The following CPAMD8 variants were observed in gnomAD, a reference collection of about 807,000 sequenced individuals.
The protein encoded by CPAMD8 is C3 and PZP-like alpha-2-macroglobulin domain-containing protein 8.
A neutral mutation model predicts 224.7 loss-of-function variants in CPAMD8; 146 were observed. That is an observed-to-expected ratio of 0.65 (90% CI 0.57 to 0.75). The LOEUF (loss-of-function observed/expected upper bound fraction) is 0.75. Among genes scored for constraint, CPAMD8 ranks in the 30% least tolerant of loss-of-function variants. The probability of loss-of-function intolerance (pLI) is 0.00; values close to 1 mark genes in which losing one functional copy is unlikely to be tolerated. For missense variants in CPAMD8, 2,301 were observed against 2,537.5 expected (o/e 0.91, Z 2.00); for synonymous variants, 966 against 1,044.6 (o/e 0.92, Z 1.45).
intron 21 of CPAMD8, 100 bp from the exon 22 acceptor site, chr19:16,945,779 G>T: frequency 1.1e-6 from 1 of 901,390 alleles, no homozygotes; most frequent in Non-Finnish European, 1.7e-6. Flanking sequence ...ATGCATGCAT[G>T]TGTGTGTGTG....
intron 30 of CPAMD8, among the ~76,000 whole-genome samples, chr19:16,906,364 TTCTTTCTTTC>T (rs2052490444): frequency 1.4e-5 from 1 of 70,932 alleles, no homozygotes; most frequent in South Asian, 5.2e-4. Flanking sequence ...CTTTCTTTCT[TTCTTTCTTTC>T]TTTCTTTCTT....
intron 38 of CPAMD8, 24 bp downstream of exon 38, chr19:16,897,864 CG>C: frequency 6.3e-7 from 1 of 1,589,910 alleles, no homozygotes; most frequent in Non-Finnish European, 8.6e-7. Context: ...CGGGCCGGGC[CG>C]GGGGTGCGGG....
At chr19:16,974,782 C>T (rs746194660) in intron 17 of CPAMD8, among the ~76,000 whole-genome samples, 10 of 152,096 alleles carry the variant, frequency 6.6e-5, no homozygotes, top group East Asian at 1.9e-4. Context: ...GCCAGGGCCA[C>T]GTAGCAAGAC....
At chr19:16,949,871 T>A (rs1050524657) in intron 20 of CPAMD8, among the ~76,000 whole-genome samples, 3 of 152,180 alleles carry the variant, frequency 2.0e-5, no homozygotes, top group Non-Finnish European at 2.9e-5. Flanking sequence ...CCGTAGACAT[T>A]GATTCTAACA....
intron 27 of CPAMD8, among the ~76,000 whole-genome samples, chr19:16,919,184 T>C (rs1045165329): frequency 2.0e-5 from 3 of 148,938 alleles, no homozygotes; most frequent in Non-Finnish European, 3.0e-5. Context: ...GCTTGGGTGA[T>C]AGGGTGAGAC....
intron 13 of CPAMD8, among the ~76,000 whole-genome samples, chr19:16,985,450 AGATG>A (rs199636699): frequency 0.012 from 1,600 of 134,994 alleles, 20 homozygotes; most frequent in African/African-American, 0.031. Flanking sequence ...GAGAGAGGGT[AGATG>A]GATGGATGGA....
At chr19:16,956,998 A>T (rs1484391981) in intron 19 of CPAMD8, among the ~76,000 whole-genome samples, 1 of 152,186 alleles carries the variant, frequency 6.6e-6, no homozygotes. Context: ...ATTTTTTAAC[A>T]ATAAAAAAAG....
rs1331788556 is a variant in CPAMD8 at position 16,952,020 on chromosome 19, C to T, written c.2457G>A (p.Glu819=). The part of the protein sequence containing the change: ...FMLPALIIRG[E]QVKIPLSVYN... ...AGACACTGAGCGGGATCTTGACCTGCTCCCCACGGATGATGAGAGCGGGGA... is the reference window on the plus strand; with the variant it reads ...AGACACTGAGCGGGATCTTGACCTGTTCCCCACGGATGATGAGAGCGGGGA... Residue 819 remains glutamate (E), a synonymous_variant, in exon 20 of 42, where the codon GAG becomes GAA. Coordinates refer to ENST00000443236, the MANE Select transcript of CPAMD8 (RefSeq NM_015692.5). The T allele has an allele frequency of 1.3e-6, 2 of 1,584,418 alleles. No homozygotes were observed. Among genetic ancestry groups the T allele is most frequent in the Middle Eastern group, 1.7e-4 (1 of 6,034 alleles).
chr19:17,004,339 C>T lies in CPAMD8; in HGVS notation c.607G>A (p.Glu203Lys), dbSNP rs1350948915. Residue 203 changes from glutamate (E) to lysine (K), a missense_variant, in exon 8 of 42, where the codon GAA (glutamate) becomes AAA (lysine). By Grantham distance (56) the Glu-to-Lys change is moderately conservative. Around this residue, in one of 4 missense-constraint regions of CPAMD8, gnomAD observed 283 missense variants for 340.6 expected, o/e 0.83. Transcript: ENST00000443236. Reference sequence around the variant, plus strand: ...TGCATTTCAACAAAAATGAACCATTCTCCCAACACAGGCTGGTCGGACAAG... The same window carrying T: ...TGCATTTCAACAAAAATGAACCATTTTCCCAACACAGGCTGGTCGGACAAG... ...FPLSDQPVLG[E>K]WFIFVEMQGH... 4.3e-6 allele frequency: 7 copies of T among 1,613,758 alleles called. No homozygotes were observed. In the Admixed American group the frequency reaches 5.0e-5, roughly 12 times the overall value.
chr19:16,948,882 G>A lies in CPAMD8; in HGVS notation c.2509-1655C>T, dbSNP rs1204219256. ...GGAGGGAAAGGAAAGGGAAGGGAAG[G>A]GAAGGGAAGGGAAGGGAAGGGAAGG... On this transcript the variant is annotated intron_variant, in intron 20 of 41. Transcript: ENST00000443236. Among the ~76,000 whole-genome samples the A allele has an allele frequency of 2.0e-4, 13 of 63,488 alleles. No homozygotes were observed. The East Asian group carries it at 2.5e-3, about 12-fold the overall frequency. 41.7% of individuals were successfully genotyped at this position (63,488 alleles called of 152,430 possible).
intron 3 of CPAMD8, 132 bp downstream of exon 3, chr19:17,020,199 C>T (rs893616652): frequency 4.1e-5 from 29 of 706,128 alleles, no homozygotes; most frequent in African/African-American, 2.7e-4. Flanking sequence ...ATCTCGAACT[C>T]CTGACCTCAG....
At chr19:16,912,259 T>C (rs2052756722) in intron 29 of CPAMD8, among the ~76,000 whole-genome samples, 1 of 152,116 alleles carries the variant, frequency 6.6e-6, no homozygotes, top group Non-Finnish European at 1.5e-5. Flanking sequence ...GCCAAAAAGG[T>C]TGGATACTGC....
intron 21 of CPAMD8, among the ~76,000 whole-genome samples, chr19:16,946,594 T>A (rs1324769555): frequency 6.9e-6 from 1 of 144,516 alleles, no homozygotes. Flanking sequence ...CGTCTACACG[T>A]GGGCGTGTGT....
At chr19:17,021,977 G>C in intron 2 of CPAMD8, 53 bp downstream of exon 2, 1 of 1,514,190 alleles carries the variant, frequency 6.6e-7, no homozygotes. Flanking sequence ...CCAGCAAGTG[G>C]CTCCACTTTG....
intron 1 of CPAMD8, among the ~76,000 whole-genome samples, chr19:17,025,605 G>A (rs977017576): frequency 1.1e-4 from 16 of 152,092 alleles, no homozygotes; most frequent in Admixed American, 6.6e-5. Flanking sequence ...AACACCAAAT[G>A]CCTCTCCCTA....
intron 11 of CPAMD8, among the ~76,000 whole-genome samples, chr19:16,994,496 G>A (rs911165641): frequency 6.8e-6 from 1 of 146,862 alleles, no homozygotes; most frequent in Non-Finnish European, 1.5e-5. Context: ...CAGCCCACAT[G>A]ATCTTCATTA....
Position 16,914,496 on chromosome 19 carries a change from A to G in CPAMD8, c.3789T>C (p.Gly1263=). ...VGRVLNKDIQ[G]GIHGTVPLTA... ...TCAGCGGGACAGTGCCGTGGATCCC[A>G]CCCTGCAAGGGGACTCACAGGCCTC... is the stretch of plus-strand genomic sequence containing the variant. Residue 1263 remains glycine, a splice_region_variant and synonymous_variant, in exon 29 of 42, where the codon GGT becomes GGC. Transcript: ENST00000443236. 6.2e-7 allele frequency: 1 copy of G among 1,613,966 alleles called. No homozygotes were observed. Among genetic ancestry groups the G allele is most frequent in the Non-Finnish European group, 8.5e-7 (1 of 1,179,928 alleles).
intron 18 of CPAMD8, among the ~76,000 whole-genome samples, chr19:16,961,727 AC>A (rs1224274426): frequency 6.6e-6 from 1 of 152,060 alleles, no homozygotes; most frequent in Non-Finnish European, 1.5e-5. Flanking sequence ...TGGGTCCCTG[AC>A]CCCCATGTAG....
intron 8 of CPAMD8, 69 bp downstream of exon 8, chr19:17,004,204 C>G (rs1378730748): frequency 1.8e-6 from 2 of 1,101,066 alleles, no homozygotes; most frequent in Admixed American, 1.8e-5. Context: ...TTGCACCCGG[C>G]CTTCTTCACC....
Sources: gnomAD v4.1 joint callset for allele counts (sites outside exome capture counted in the v4.1 genomes callset) on GRCh38, gnomAD v4.1.1 for gene constraint, gnomAD v4.1.1 regional missense constraint, MANE v1.5 for transcripts, NCBI Gene and HGNC (gene_info 2026-07-23, HGNC 2026-07-21) for gene names.